HSD17B3: variants seen among roughly 807,000 people sequenced by gnomAD.
The protein encoded by HSD17B3 is 17-beta-hydroxysteroid dehydrogenase type 3.
HSD17B3 carries 29 observed loss-of-function variants against 41.1 expected under a neutral mutation model. That is an observed-to-expected ratio of 0.71 (90% CI 0.53 to 0.96). The LOEUF (loss-of-function observed/expected upper bound fraction) is 0.96. Among genes scored for constraint, HSD17B3 ranks in the 40% least tolerant of loss-of-function variants. HSD17B3 has a pLI of 0.00. For synonymous variants in HSD17B3, 126 were observed against 145.6 expected, an observed-to-expected ratio of 0.87 and a Z score of 0.97; for missense variants, 323 against 374.6, an observed-to-expected ratio of 0.86 and a Z score of 1.14.
intron 2 of HSD17B3, among the ~76,000 whole-genome samples, chr9:96,258,823 G>A (rs190896071): frequency 1.3e-5 from 2 of 152,132 alleles, no homozygotes; most frequent in African/African-American, 4.8e-5. Context: ...GTAAATCCTG[G>A]ACATTTCTTG....
rs997678058 is a variant in HSD17B3 at position 96,273,027 on chromosome 9, G to A, written c.202-18084C>T. 2.6e-5 allele frequency among the ~76,000 whole-genome samples: 4 copies of A among 152,188 alleles called. No individual in the cohort carries two copies. In the East Asian group the frequency reaches 7.7e-4, roughly 29 times the overall value. On this transcript the variant is annotated intron_variant, in intron 2 of 10. Transcript: ENST00000375263. Reference sequence around the variant, plus strand: ...TTGAAGTGACAAAATTATAGCAATAGAGAACAGATTAGTGGTTCCCAGAAG... The same window carrying A: ...TTGAAGTGACAAAATTATAGCAATAAAGAACAGATTAGTGGTTCCCAGAAG...
At chr9:96,237,754 C>T (rs1185538366) in intron 10 of HSD17B3, among the ~76,000 whole-genome samples, 2 of 152,226 alleles carry the variant, frequency 1.3e-5, no homozygotes, top group Non-Finnish European at 2.9e-5. Flanking sequence ...GGCACAAAAA[C>T]TCCTTTTCCT....
Position 96,254,855 on chromosome 9 carries a change from G to A in HSD17B3, c.277+13C>T, listed in dbSNP as rs781728290. 53 of 1,611,212 alleles carry A rather than the reference G, an allele frequency of 3.3e-5. No individual in the cohort carries two copies. The highest frequency in any genetic ancestry group is 5.9e-6 in the Non-Finnish European group (7 of 1,177,660). Reference sequence around the variant, plus strand: ...GCTCCACACACATCTCCCTTATTTGGGGGGTCACTCACCGATCTCTGTGGC... The same window carrying A: ...GCTCCACACACATCTCCCTTATTTGAGGGGTCACTCACCGATCTCTGTGGC... On this transcript the variant is annotated intron_variant, in intron 3 of 10. Coordinates refer to ENST00000375263, the MANE Select transcript of HSD17B3 (RefSeq NM_000197.2).
chr9:96,247,328 T>G (rs898260501), intron 6 of HSD17B3: 1 of 152,688 alleles, frequency 6.5e-6, no homozygotes, highest in South Asian at 2.1e-4. Context: ...AGATCCTGAC[T>G]GCAGCAGGTT....
At chr9:96,253,890 T>C (rs1200347604) in intron 3 of HSD17B3, among the ~76,000 whole-genome samples, 1 of 152,036 alleles carries the variant, frequency 6.6e-6, no homozygotes, top group African/African-American at 2.4e-5. Flanking sequence ...AAAAGCAGAA[T>C]TCATGGGTTC....
At position 96,298,408 on chromosome 9, in the gene HSD17B3, T is replaced by C. The variant is rs748064934; in HGVS notation, c.201+8A>G. ...AGGGAGGAGAAAGTCCCCAGGAAGATAGCTTACCTCGAACGAGTACGCTTT... is the reference window on the plus strand; with the variant it reads ...AGGGAGGAGAAAGTCCCCAGGAAGACAGCTTACCTCGAACGAGTACGCTTT... On this transcript the variant is annotated splice_region_variant and intron_variant, in intron 2 of 10. Coordinates refer to ENST00000375263, the MANE Select transcript of HSD17B3 (RefSeq NM_000197.2). 1.3e-5 allele frequency: 21 copies of C among 1,611,484 alleles called. No homozygotes were observed. The highest frequency in any genetic ancestry group is 6.6e-5 in the South Asian group (6 of 91,048).
At chr9:96,251,372 A>G in intron 5 of HSD17B3, 46 bp downstream of exon 5, 1 of 1,553,768 alleles carries the variant, frequency 6.4e-7, no homozygotes, top group Non-Finnish European at 8.9e-7. Context: ...CAGGGGACCC[A>G]GAACCTGGAT....
intron 6 of HSD17B3, among the ~76,000 whole-genome samples, chr9:96,248,027 T>C (rs1456651528): frequency 6.6e-6 from 1 of 152,216 alleles, no homozygotes; most frequent in Non-Finnish European, 1.5e-5. Context: ...AATATATAAT[T>C]TTTTTAAACA....
At chr9:96,246,620 C>T in intron 6 of HSD17B3, 30 bp from the exon 7 acceptor site, 3 of 1,611,326 alleles carry the variant, frequency 1.9e-6, no homozygotes, top group Non-Finnish European at 2.5e-6. Flanking sequence ...GTAAGCCCGA[C>T]AAGGAACTAA....
At chr9:96,257,611 T>C (rs781437312) in intron 2 of HSD17B3, among the ~76,000 whole-genome samples, 16 of 152,216 alleles carry the variant, frequency 1.1e-4, no homozygotes, top group South Asian at 2.1e-4. Context: ...TCTATTTCCA[T>C]AGCAGTCCAC....
Position 96,256,732 on chromosome 9 carries a change from T to C in HSD17B3, c.202-1789A>G, listed in dbSNP as rs945703462. Among the ~76,000 whole-genome samples the C allele has an allele frequency of 5.3e-5, 8 of 151,612 alleles. 1 individual carries two copies. On this transcript the variant is annotated intron_variant, in intron 2 of 10. Coordinates refer to ENST00000375263, the MANE Select transcript of HSD17B3 (RefSeq NM_000197.2). ...AAGCTGAATTATGAATTGTGGTCTA[T>C]AATATATAGTCTCCAATAGCCAGCA...
At chr9:96,244,442 G>C (rs2066477) in intron 8 of HSD17B3, 48 bp from the exon 9 acceptor site, 2 of 1,583,134 alleles carry the variant, frequency 1.3e-6, no homozygotes, top group Middle Eastern at 1.7e-4. Context: ...GAGCTCCCTC[G>C]TCAGAGCCAA....
At chr9:96,276,125 A>AC (rs1298286475) in intron 2 of HSD17B3, among the ~76,000 whole-genome samples, 5 of 149,826 alleles carry the variant, frequency 3.3e-5, no homozygotes, top group Admixed American at 1.3e-4. Context: ...AAAAAAAAAA[A>AC]AAAAAAACAG....
chr9:96,262,938 G>A (rs1825915833), intron 2 of HSD17B3, among the ~76,000 whole-genome samples: 1 of 152,160 alleles, frequency 6.6e-6, no homozygotes, highest in African/African-American at 2.4e-5. Flanking sequence ...TGAGATTGCA[G>A]ATTTGTTATA....
intron 3 of HSD17B3, among the ~76,000 whole-genome samples, chr9:96,253,537 A>C (rs1271934950): frequency 6.6e-6 from 1 of 152,224 alleles, no homozygotes; most frequent in Non-Finnish European, 1.5e-5. Flanking sequence ...CCAGAGGAGA[A>C]AATGAAGGCT....
rs1826714380 is a variant in HSD17B3 at position 96,281,982 on chromosome 9, G to A, written c.201+16434C>T. On this transcript the variant is annotated intron_variant, in intron 2 of 10. Coordinates refer to ENST00000375263, the MANE Select transcript of HSD17B3 (RefSeq NM_000197.2). ...ATGGGAAAAAGGATTTGTGAGGCTAGTCGTAAGCTGCAGCAAATTTGGTGT... is the reference window on the plus strand; with the variant it reads ...ATGGGAAAAAGGATTTGTGAGGCTAATCGTAAGCTGCAGCAAATTTGGTGT... Among the ~76,000 whole-genome samples the A allele has an allele frequency of 2.6e-5, 4 of 152,194 alleles. No homozygotes were observed. In the South Asian group the frequency reaches 8.3e-4, roughly 32 times the overall value.
intron 2 of HSD17B3, among the ~76,000 whole-genome samples, chr9:96,293,989 C>A (rs193152977): frequency 1.3e-5 from 2 of 152,294 alleles, no homozygotes; most frequent in Admixed American, 1.3e-4. Context: ...TTACAGTCCA[C>A]AGCATCTCAG....
Position 96,252,790 on chromosome 9 carries a change from G to T in HSD17B3, c.385+13C>A, listed in dbSNP as rs766779824. On this transcript the variant is annotated intron_variant, in intron 4 of 10. Coordinates refer to ENST00000375263, the MANE Select transcript of HSD17B3 (RefSeq NM_000197.2). ...TGTATGACAACAAGCTTTGCATCTTGCAATTTACTCACCTAAAATTCCAAT... is the reference window on the plus strand; with the variant it reads ...TGTATGACAACAAGCTTTGCATCTTTCAATTTACTCACCTAAAATTCCAAT... 5 of 1,354,974 alleles carry T rather than the reference G, an allele frequency of 3.7e-6. No homozygotes were observed. The Admixed American group carries it at 5.0e-5, about 14-fold the overall frequency. The allele number at this position is 1,354,974 out of a possible 1,614,324, so 83.9% of individuals were successfully genotyped here.
At chr9:96,301,873 T>C (rs1827625822) in intron 1 of HSD17B3, 78 bp downstream of exon 1, 4 of 1,486,802 alleles carry the variant, frequency 2.7e-6, no homozygotes, top group Middle Eastern at 3.4e-4. Context: ...AGAGCAAGTG[T>C]CTGTCTCAAA....
Sources: gnomAD v4.1 joint callset for allele counts (sites outside exome capture counted in the v4.1 genomes callset) on GRCh38, gnomAD v4.1.1 for gene constraint, MANE v1.5 for transcripts, NCBI Gene and HGNC (gene_info 2026-07-23, HGNC 2026-07-21) for gene names.